The following CDK2AP2 variants were observed in gnomAD, a reference collection of about 807,000 sequenced individuals.
The protein encoded by CDK2AP2 is cyclin-dependent kinase 2-associated protein 2.
In CDK2AP2, 1 loss-of-function variant was observed where a neutral mutation model predicts 13.0. The ratio of observed to expected loss-of-function variants is 0.08; its 90% CI spans 0.03 to 0.37. The LOEUF (loss-of-function observed/expected upper bound fraction) is 0.37, where lower values mean the gene tolerates loss of function less well. CDK2AP2 is among the 10% of genes least tolerant of loss of function. The pLI is 0.99. For synonymous variants in CDK2AP2, 76 were observed against 73.0 expected, an observed-to-expected ratio of 1.04 and a Z score of -0.21; for missense variants, 129 against 175.8, an observed-to-expected ratio of 0.73 and a Z score of 1.50.
Position 67,507,692 on chromosome 11 carries a change from G to A in CDK2AP2, c.83-3C>T. On this transcript the variant is annotated splice_polypyrimidine_tract_variant and splice_region_variant and intron_variant, in intron 1 of 3. Coordinates refer to ENST00000301488, the MANE Select transcript of CDK2AP2 (RefSeq NM_005851.5). ...GCCCGACGGCGACGGGACGCTTCCT[G>A]CAGCAACAGGCGCGAGTAAGAGGTC... The A allele has an allele frequency of 1.2e-6, 2 of 1,612,764 alleles. No homozygotes were observed. The highest frequency in any genetic ancestry group is 3.3e-4 in the Middle Eastern group (2 of 6,062).
chr11:67,506,658 G>C lies in CDK2AP2; in HGVS notation c.*287C>G, dbSNP rs1392175110. The C allele has an allele frequency of 2.0e-6, 1 of 495,798 alleles. No homozygotes were observed. 30.7% of individuals were successfully genotyped at this position (495,798 alleles called of 1,614,324 possible). On this transcript the variant is annotated 3_prime_UTR_variant, in exon 4 of 4. Transcript: ENST00000301488. ...GGAGGCTCGGGACAAAGTGGGAGAAGTGCTGGGAAGGGCTGAGCGGTAGGG... is the reference window on the plus strand; with the variant it reads ...GGAGGCTCGGGACAAAGTGGGAGAACTGCTGGGAAGGGCTGAGCGGTAGGG...
In CDK2AP2 at chr11:67,508,119, C is replaced by T; in HGVS notation, c.-37G>A. The T allele has an allele frequency of 6.9e-7, 1 of 1,446,098 alleles. No homozygotes were observed. Among genetic ancestry groups the T allele is most frequent in the Non-Finnish European group, 9.1e-7 (1 of 1,101,628 alleles). 89.6% of individuals were successfully genotyped at this position (1,446,098 alleles called of 1,614,324 possible). On this transcript the variant is annotated 5_prime_UTR_variant, in exon 1 of 4. Coordinates refer to ENST00000301488, the MANE Select transcript of CDK2AP2 (RefSeq NM_005851.5). Reference sequence around the variant, plus strand: ...GGGCGCGGCGGACGCCAGCCGGCCGCTCCTCGGGGGTTGGCTGCGGGGCCG... The same window carrying T: ...GGGCGCGGCGGACGCCAGCCGGCCGTTCCTCGGGGGTTGGCTGCGGGGCCG...
chr11:67,507,113 G>T (rs541115346), intron 3 of CDK2AP2, 101 bp from the exon 4 acceptor site: 10 of 947,222 alleles, frequency 1.1e-5, no homozygotes, highest in East Asian at 5.3e-5. Flanking sequence ...TTCGGCAAAA[G>T]AAATTCAAAT....
rs888899813 is a variant in CDK2AP2, at chr11:67,506,890, C to T, written c.*55G>A. 1.7e-5 allele frequency: 24 copies of T among 1,410,132 alleles called. No homozygotes were observed. In the African/African-American group the frequency reaches 2.6e-4, roughly 15 times the overall value. The allele number at this position is 1,410,132 out of a possible 1,614,324, so 87.4% of individuals were successfully genotyped here. ...ACTCGGGATGAAGGCCAGGGAGAAG[C>T]GGGTGCTCTGCAGTGGCCGGATAGG... On this transcript the variant is annotated 3_prime_UTR_variant, in exon 4 of 4. Transcript: ENST00000301488.
chr11:67,507,640 G>A lies in CDK2AP2; in HGVS notation c.132C>T (p.Phe44=), dbSNP rs2134350974. ...GTCCAAAGTCGTTAAACAGCGGTCT[G>A]AAAGGAGCGCCGGCTCCTGGCACTG... is the stretch of plus-strand genomic sequence containing the variant. ...SGSVPGAGAP[F]RPLFNDFGPP... is the part of the protein sequence containing the mutation. The change falls in exon 2 of 4, where the codon TTC becomes TTT. Residue 44 remains phenylalanine (F), a synonymous_variant. Coordinates refer to ENST00000301488, the MANE Select transcript of CDK2AP2 (RefSeq NM_005851.5). 1 of 1,613,448 alleles carries A rather than the reference G, an allele frequency of 6.2e-7. No individual in the cohort carries two copies. Among genetic ancestry groups the A allele is most frequent in the Non-Finnish European group, 8.5e-7 (1 of 1,180,028 alleles).
Position 67,507,695 on chromosome 11 carries a change from G to A in CDK2AP2, c.83-6C>T. 6.2e-7 allele frequency: 1 copy of A among 1,612,644 alleles called. No individual in the cohort carries two copies. The highest frequency in any genetic ancestry group is 8.5e-7 in the Non-Finnish European group (1 of 1,179,784). ...CGACGGCGACGGGACGCTTCCTGCA[G>A]CAACAGGCGCGAGTAAGAGGTCAGC... On this transcript the variant is annotated splice_polypyrimidine_tract_variant and splice_region_variant and intron_variant, in intron 1 of 3. Transcript: ENST00000301488.
At position 67,506,517 on chromosome 11, in the gene CDK2AP2, A is replaced by C. The variant is rs1228685073; in HGVS notation, c.*428T>G. 18 of 249,078 alleles carry C rather than the reference A, an allele frequency of 7.2e-5. No homozygotes were observed. The highest frequency in any genetic ancestry group is 4.0e-4 in the African/African-American group (18 of 45,368). 15.4% of individuals were successfully genotyped at this position (249,078 alleles called of 1,614,324 possible). A position where few individuals can be genotyped will look rare whatever the true frequency, so the allele number is the denominator to read the frequency against. Reference sequence around the variant, plus strand: ...AGAGCTGAGAGCACAACTCCAAATCATCTTTTATTAATATAAAAAGGGCAT... The same window carrying C: ...AGAGCTGAGAGCACAACTCCAAATCCTCTTTTATTAATATAAAAAGGGCAT... On this transcript the variant is annotated 3_prime_UTR_variant, in exon 4 of 4. Transcript: ENST00000301488.
At position 67,507,460 on chromosome 11, in the gene CDK2AP2, G is replaced by T. The variant is rs1160401768; in HGVS notation, c.218C>A (p.Thr73Asn). The T allele has an allele frequency of 6.2e-7, 1 of 1,613,754 alleles. No individual in the cohort carries two copies. Among genetic ancestry groups the T allele is most frequent in the Non-Finnish European group, 8.5e-7 (1 of 1,180,034 alleles). Reference sequence around the variant, plus strand: ...TATGACTGACAGCAGGTCCGTGTAGGTGCTCTGGGAGCCCTGGGCGCCGGG... The same window carrying T: ...TATGACTGACAGCAGGTCCGTGTAGTTGCTCTGGGAGCCCTGGGCGCCGGG... ...KPPGAQGSQS[T>N]YTDLLSVIEE... Residue 73 changes from threonine to asparagine, a missense_variant, in exon 3 of 4, where the codon ACC becomes AAC. By Grantham distance (65) the Thr-to-Asn change is moderately conservative (BLOSUM62 0). Coordinates refer to ENST00000301488, the MANE Select transcript of CDK2AP2 (RefSeq NM_005851.5).
Position 67,507,269 on chromosome 11 carries a change from T to C in CDK2AP2, c.313+96A>G, listed in dbSNP as rs1006143025. ...TCTGGTAGTAATACTGGACATCCTC[T>C]AGGCTTGGCTCAGGTGGCCTCCAGA... On this transcript the variant is annotated intron_variant, in intron 3 of 3. Transcript: ENST00000301488. The C allele has an allele frequency of 2.9e-6, 4 of 1,400,768 alleles. No individual in the cohort carries two copies. The African/African-American group carries it at 5.7e-5, about 20-fold the overall frequency. The allele number at this position is 1,400,768 out of a possible 1,614,324, so 86.8% of individuals were successfully genotyped here. A position where few individuals can be genotyped will look rare whatever the true frequency, so the allele number is the denominator to read the frequency against.
At position 67,508,144 on chromosome 11, in the gene CDK2AP2, G is replaced by C. The variant is rs546802271; in HGVS notation, c.-62C>G. The C allele has an allele frequency of 1.4e-6, 2 of 1,424,086 alleles. No homozygotes were observed. The highest frequency in any genetic ancestry group is 2.9e-5 in the African/African-American group (2 of 68,692). 88.2% of individuals were successfully genotyped at this position (1,424,086 alleles called of 1,614,324 possible). A position where few individuals can be genotyped will look rare whatever the true frequency, so the allele number is the denominator to read the frequency against. ...CTCCTCGGGGGTTGGCTGCGGGGCC[G>C]CTCAGCCGCGCTCTGATTGGCAAGC... On this transcript the variant is annotated 5_prime_UTR_variant, in exon 1 of 4. Coordinates refer to ENST00000301488, the MANE Select transcript of CDK2AP2 (RefSeq NM_005851.5).
At position 67,507,865 on chromosome 11, in the gene CDK2AP2, C is replaced by T. The variant is rs770632615; in HGVS notation, c.82+136G>A. On this transcript the variant is annotated intron_variant, in intron 1 of 3. Transcript: ENST00000301488. ...CTCCACCTACAAGCCCTTACGTGAC[C>T]ACGCCCACTTCACAGGCCAGCAAAC... The T allele has an allele frequency of 1.9e-6, 3 of 1,540,218 alleles. No individual in the cohort carries two copies. In the African/African-American group the frequency reaches 4.1e-5, roughly 21 times the overall value.
Position 67,508,138 on chromosome 11 carries a change from G to T in CDK2AP2, c.-56C>A. 7.0e-7 allele frequency: 1 copy of T among 1,434,984 alleles called. No individual in the cohort carries two copies. The highest frequency in any genetic ancestry group is 9.1e-7 in the Non-Finnish European group (1 of 1,097,966). The allele number at this position is 1,434,984 out of a possible 1,614,324, so 88.9% of individuals were successfully genotyped here. ...CGGCCGCTCCTCGGGGGTTGGCTGCGGGGCCGCTCAGCCGCGCTCTGATTG... is the reference window on the plus strand; with the variant it reads ...CGGCCGCTCCTCGGGGGTTGGCTGCTGGGCCGCTCAGCCGCGCTCTGATTG... On this transcript the variant is annotated 5_prime_UTR_variant, in exon 1 of 4. Transcript: ENST00000301488.
intron 1 of CDK2AP2, 120 bp downstream of exon 1, chr11:67,507,881 G>T (rs1450087002): frequency 6.5e-7 from 1 of 1,542,534 alleles, no homozygotes. Flanking sequence ...CACTTCACAG[G>T]CCAGCAAACT....
At chr11:67,507,933 C>G in intron 1 of CDK2AP2, 68 bp downstream of exon 1, 1 of 1,548,918 alleles carries the variant, frequency 6.5e-7, no homozygotes, top group Non-Finnish European at 8.7e-7. Context: ...TATTGCAGAA[C>G]TCAGGCCGTC....
chr11:67,506,642 G>C lies in CDK2AP2; in HGVS notation c.*303C>G, dbSNP rs1010303493. The stretch of plus-strand genomic sequence containing the variant: ...CCCTGCTGGGGGAGAAGGAGGCTCG[G>C]GACAAAGTGGGAGAAGTGCTGGGAA... On this transcript the variant is annotated 3_prime_UTR_variant, in exon 4 of 4. Coordinates refer to ENST00000301488, the MANE Select transcript of CDK2AP2 (RefSeq NM_005851.5). 6.0e-5 allele frequency: 28 copies of C among 463,032 alleles called. No individual in the cohort carries two copies. The highest frequency in any genetic ancestry group is 4.8e-4 in the African/African-American group (24 of 49,606). 28.7% of individuals were successfully genotyped at this position (463,032 alleles called of 1,614,324 possible).
Position 67,506,838 on chromosome 11 carries a change from G to A in CDK2AP2, c.*107C>T, listed in dbSNP as rs1400592249. ...GGAGGGGACCCACCAAGGGACACAG[G>A]ACAGGAAGCCCAGGATGGTTAGTGC... On this transcript the variant is annotated 3_prime_UTR_variant, in exon 4 of 4. Coordinates refer to ENST00000301488, the MANE Select transcript of CDK2AP2 (RefSeq NM_005851.5). 4.2e-6 allele frequency: 4 copies of A among 955,072 alleles called. No homozygotes were observed. The highest frequency in any genetic ancestry group is 4.9e-6 in the Non-Finnish European group (3 of 618,388). The allele number at this position is 955,072 out of a possible 1,614,324, so 59.2% of individuals were successfully genotyped here.
chr11:67,508,076 A>G lies in CDK2AP2; in HGVS notation c.7T>C (p.Tyr3His). 1 of 1,486,638 alleles carries G rather than the reference A, an allele frequency of 6.7e-7. No individual in the cohort carries two copies. 92.1% of individuals were successfully genotyped at this position (1,486,638 alleles called of 1,614,324 possible). A position where few individuals can be genotyped will look rare whatever the true frequency, so the allele number is the denominator to read the frequency against. The part of the protein sequence containing the change: MS[Y>H]KPIAPAPSST... ...CTGGGAGCAGGGGCGATGGGTTTGT[A>G]GGACATCCCCAACTCCTGGGCGCGG... is the stretch of plus-strand genomic sequence containing the variant. Residue 3 changes from tyrosine to histidine, a missense_variant, in exon 1 of 4, where the codon TAC becomes CAC. Physicochemically the swap from Tyr to His is moderately conservative, Grantham distance 83. This residue lies in a region of CDK2AP2 where 98 missense variants were observed against 99.7 expected (regional missense o/e 0.98). Coordinates refer to ENST00000301488, the MANE Select transcript of CDK2AP2 (RefSeq NM_005851.5).
At chr11:67,507,329 T>A in intron 3 of CDK2AP2, 36 bp downstream of exon 3, 1 of 1,611,540 alleles carries the variant, frequency 6.2e-7, no homozygotes, top group Non-Finnish European at 8.5e-7. Flanking sequence ...TAGTCCAGTG[T>A]CGGTTTCCTG....
At chr11:67,507,277 G>A in intron 3 of CDK2AP2, 88 bp downstream of exon 3, 1 of 1,479,546 alleles carries the variant, frequency 6.8e-7, no homozygotes, top group Non-Finnish European at 9.4e-7. Context: ...TCTAGGCTTG[G>A]CTCAGGTGGC....
Sources: allele counts gnomAD v4.1 joint callset, GRCh38; gene constraint gnomAD v4.1.1; regional missense constraint gnomAD v4.1.1; transcripts MANE v1.5; gene names NCBI Gene and HGNC (gene_info 2026-07-23, HGNC 2026-07-21).